The following BICDL1 variants were observed in gnomAD, a reference collection of about 807,000 sequenced individuals.
BICDL1 encodes the protein BICD family like cargo adaptor 1.
In BICDL1, 20 loss-of-function variants were observed where a neutral mutation model predicts 76.8. The observed-to-expected ratio is 0.26, with a 90% CI of 0.18 to 0.38. The LOEUF (loss-of-function observed/expected upper bound fraction) is 0.38, where lower values mean the gene tolerates loss of function less well. Among genes scored for constraint, BICDL1 ranks in the 10% least tolerant of loss-of-function variants. BICDL1 has a pLI of 1.00. For missense variants in BICDL1, 700 were observed against 798.6 expected, an observed-to-expected ratio of 0.88 and a Z score of 1.49; for synonymous variants, 383 against 337.1, an observed-to-expected ratio of 1.14 and a Z score of -1.49.
intron 1 of BICDL1, among the ~76,000 whole-genome samples, chr12:119,995,426 C>A (rs1263725015): frequency 6.6e-6 from 1 of 152,200 alleles, no homozygotes; most frequent in African/African-American, 2.4e-5. Context: ...AGCCCTGCCC[C>A]CAAGTGGATT....
chr12:119,995,703 C>G (rs976504566), intron 1 of BICDL1, among the ~76,000 whole-genome samples: 14 of 152,030 alleles, frequency 9.2e-5, no homozygotes, highest in Admixed American at 3.3e-4. Flanking sequence ...AAAACATTCT[C>G]TGGCCGGGCA....
At chr12:120,014,987 C>G (rs1309148554) in intron 2 of BICDL1, among the ~76,000 whole-genome samples, 1 of 151,918 alleles carries the variant, frequency 6.6e-6, no homozygotes. Context: ...AGGTTATGGA[C>G]TTTTAACTGT....
At chr12:120,052,806 T>G (rs1254003999) in intron 2 of BICDL1, among the ~76,000 whole-genome samples, 3 of 152,242 alleles carry the variant, frequency 2.0e-5, no homozygotes, top group African/African-American at 7.2e-5. Context: ...AGAGTCTCGC[T>G]TTGTCACCCA....
chr12:120,072,793 A>C (rs940438796), intron 6 of BICDL1, 64 bp downstream of exon 6: 5 of 1,396,292 alleles, frequency 3.6e-6, no homozygotes, highest in Non-Finnish European at 5.0e-6. Flanking sequence ...GTTAGAACCC[A>C]GTGCATAGGG....
intron 2 of BICDL1, among the ~76,000 whole-genome samples, chr12:120,039,253 C>T (rs967240713): frequency 7.2e-5 from 11 of 151,838 alleles, no homozygotes; most frequent in Admixed American, 5.9e-4. Context: ...GCCAAGATAG[C>T]GCCACTGCAC....
intron 9 of BICDL1, 178 bp from the exon 10 acceptor site, chr12:120,092,822 G>A (rs1053066058): frequency 2.5e-5 from 25 of 985,406 alleles, no homozygotes; most frequent in South Asian, 4.7e-5. Flanking sequence ...CGGCTCCTGC[G>A]TGCGCCTGGT....
intron 2 of BICDL1, among the ~76,000 whole-genome samples, chr12:120,050,344 G>A (rs552335414): frequency 6.7e-6 from 1 of 149,918 alleles, no homozygotes; most frequent in East Asian, 2.0e-4. Flanking sequence ...TCGGCTCACT[G>A]CAAGCTACAC....
chr12:120,054,284 A>G (rs896932993), intron 2 of BICDL1, among the ~76,000 whole-genome samples: 6 of 151,976 alleles, frequency 3.9e-5, no homozygotes, highest in Non-Finnish European at 8.8e-5. Context: ...CATGTTGGCC[A>G]GGGTGGTCTG....
intron 2 of BICDL1, among the ~76,000 whole-genome samples, chr12:120,049,880 A>G (rs1455577938): frequency 6.6e-6 from 1 of 152,236 alleles, no homozygotes; most frequent in Non-Finnish European, 1.5e-5. Context: ...GAAACTGGAA[A>G]GCTTTTTATT....
intron 2 of BICDL1, among the ~76,000 whole-genome samples, chr12:120,052,621 C>T (rs769008875): frequency 6.6e-6 from 1 of 152,024 alleles, no homozygotes; most frequent in Non-Finnish European, 1.5e-5. Context: ...TGATTTTTCC[C>T]TTTGTTATTA....
In BICDL1 at chr12:119,990,079, G is replaced by C. The variant is rs1951483299; in HGVS notation, c.211G>C (p.Asp71His). The change falls in exon 1 of 10, where the codon GAC becomes CAC. Residue 71 changes from aspartate (D) to histidine (H), a missense_variant. Asp to His is a moderately conservative substitution (Grantham distance 81, BLOSUM62 -1). Transcript: ENST00000548673. ...ALLAAGERPS[D>H]PGEHPQAEPG... ...GCTGGCGGCCGGGGAGCGGCCGTCCGACCCCGGGGAACACCCTCAGGCCGA... is the reference window on the plus strand; with the variant it reads ...GCTGGCGGCCGGGGAGCGGCCGTCCCACCCCGGGGAACACCCTCAGGCCGA... The C allele has an allele frequency of 6.5e-7, 1 of 1,537,586 alleles. No individual in the cohort carries two copies.
Position 120,043,568 on chromosome 12 carries a change from G to C in BICDL1, c.646-18142G>C, listed in dbSNP as rs1015252525. Among the ~76,000 whole-genome samples, 8 of 152,296 alleles carry C rather than the reference G, an allele frequency of 5.3e-5. 1 individual carries two copies. Among genetic ancestry groups the C allele is most frequent in the Admixed American group, 5.2e-4 (8 of 15,288 alleles). ...CAGTCATGCGTAATTTACATCAAAG[G>C]CTAAGTAAATCTACTTGAGCCATGG... On this transcript the variant is annotated intron_variant, in intron 2 of 9. Coordinates refer to ENST00000548673, the MANE Select transcript of BICDL1 (RefSeq NM_001367886.1).
intron 4 of BICDL1, among the ~76,000 whole-genome samples, chr12:120,068,154 A>G (rs1375729538): frequency 6.6e-6 from 1 of 152,014 alleles, no homozygotes; most frequent in Non-Finnish European, 1.5e-5. Context: ...GCTGCCAGCC[A>G]CCCCAGTCTG....
intron 2 of BICDL1, among the ~76,000 whole-genome samples, chr12:120,025,449 G>A (rs932743460): frequency 1.3e-5 from 2 of 151,860 alleles, no homozygotes; most frequent in African/African-American, 4.8e-5. Flanking sequence ...TGGGTATGAG[G>A]ACATCCCATG....
At position 120,080,940 on chromosome 12, in the gene BICDL1, C is replaced by G. The variant is rs1474429186; in HGVS notation, c.1506C>G (p.Leu502=). ...CCCTAAAAGAGGAGAGAGACCGACT[C>G]AGAGTCACTTCTGAGGACAAGGAGC... ...MTALKEERDR[L]RVTSEDKEPK... is the part of the protein sequence containing the mutation. The change falls in exon 8 of 10, where the codon CTC becomes CTG. Residue 502 remains leucine, a synonymous_variant. Coordinates refer to ENST00000548673, the MANE Select transcript of BICDL1 (RefSeq NM_001367886.1). 6.2e-7 allele frequency: 1 copy of G among 1,613,856 alleles called. No individual in the cohort carries two copies. The highest frequency in any genetic ancestry group is 1.7e-5 in the Admixed American group (1 of 59,978).
At chr12:120,000,062 C>G (rs1951729633) in intron 2 of BICDL1, 1 of 160,802 alleles carries the variant, frequency 6.2e-6, no homozygotes, top group Non-Finnish European at 1.4e-5. Context: ...TATTCTGAGA[C>G]CAGTGAAAAA....
intron 2 of BICDL1, among the ~76,000 whole-genome samples, chr12:120,048,823 A>G (rs1035116551): frequency 6.6e-6 from 1 of 150,492 alleles, no homozygotes; most frequent in Non-Finnish European, 1.5e-5. Flanking sequence ...TTTTGTTGAC[A>G]TTTTTTTTTA....
intron 2 of BICDL1, chr12:119,999,641 C>A (rs986444231): frequency 3.5e-6 from 1 of 282,752 alleles, no homozygotes; most frequent in African/African-American, 2.2e-5. Context: ...GCTGTAAAAT[C>A]ATTTCAAGGA....
In BICDL1 at chr12:120,072,666, G is replaced by A. The variant is rs1157090648; in HGVS notation, c.1245G>A (p.Leu415=). 1.9e-6 allele frequency: 3 copies of A among 1,613,976 alleles called. No individual in the cohort carries two copies. The highest frequency in any genetic ancestry group is 3.3e-5 in the Admixed American group (2 of 60,006). ...SSAKDVPAGS[L]RTALNELKRL... Reference sequence around the variant, plus strand: ...CCAAGGATGTGCCAGCCGGCAGCTTGCGCACTGCCCTCAATGAGCTCAAGA... The same window carrying A: ...CCAAGGATGTGCCAGCCGGCAGCTTACGCACTGCCCTCAATGAGCTCAAGA... The change falls in exon 6 of 10, where the codon TTG becomes TTA. Residue 415 remains leucine (L), a synonymous_variant. Transcript: ENST00000548673.
Sources: allele counts gnomAD v4.1 joint callset (sites outside exome capture counted in the v4.1 genomes callset), GRCh38; gene constraint gnomAD v4.1.1; transcripts MANE v1.5; gene names NCBI Gene and HGNC (gene_info 2026-07-23, HGNC 2026-07-21).